UPF2: variants seen among roughly 807,000 people sequenced by gnomAD.
UPF2 encodes the protein UPF2 regulator of nonsense mediated mRNA decay, also known as regulator of nonsense transcripts 2.
In UPF2, 17 loss-of-function variants were observed where a neutral mutation model predicts 141.4. The ratio of observed to expected loss-of-function variants is 0.12; its 90% CI spans 0.08 to 0.18. The LOEUF is 0.18. Among genes scored for constraint, UPF2 ranks in the 10% least tolerant of loss-of-function variants. The pLI is 1.00. For synonymous variants in UPF2, 540 were observed against 498.0 expected, an observed-to-expected ratio of 1.08 and a Z score of -1.12; for missense variants, 1,152 against 1,515.9, an observed-to-expected ratio of 0.76 and a Z score of 3.99.
intron 16 of UPF2, among the ~76,000 whole-genome samples, chr10:11,944,069 G>A (rs1225612682): frequency 6.6e-6 from 1 of 150,488 alleles, no homozygotes; most frequent in Admixed American, 6.6e-5. Context: ...TGCCATGATG[G>A]CTGAGAAATA....
intron 5 of UPF2, among the ~76,000 whole-genome samples, chr10:12,003,238 G>C (rs1204513443): frequency 1.3e-5 from 2 of 152,150 alleles, no homozygotes; most frequent in Admixed American, 6.5e-5. Flanking sequence ...CCTGATGTCT[G>C]GCTACTAAAA....
intron 3 of UPF2, among the ~76,000 whole-genome samples, chr10:12,028,421 AG>A (rs1345578679): frequency 1.3e-5 from 2 of 152,214 alleles, no homozygotes; most frequent in Non-Finnish European, 2.9e-5. Flanking sequence ...AAATATTAGC[AG>A]GTAAGTTTAA....
Position 11,979,730 on chromosome 10 carries a change from C to A in UPF2, c.1845-565G>T, listed in dbSNP as rs1026581057. 6.6e-6 allele frequency among the ~76,000 whole-genome samples: 1 copy of A among 152,096 alleles called. No homozygotes were observed. The highest frequency in any genetic ancestry group is 2.4e-5 in the African/African-American group (1 of 41,416). On this transcript the variant is annotated intron_variant, in intron 8 of 21. Coordinates refer to ENST00000357604, the MANE Select transcript of UPF2 (RefSeq NM_015542.4). This position sits in a 1 kb window ranked among gnomAD's most constrained non-coding sequence, Gnocchi z 6.2. ...GACTATCCTGGCTAACACGGTGAAACCCCGTCTCTACTAAAAATAAAAAAA... is the reference window on the plus strand; with the variant it reads ...GACTATCCTGGCTAACACGGTGAAAACCCGTCTCTACTAAAAATAAAAAAA...
chr10:11,972,006 G>A (rs1190443022), intron 9 of UPF2, among the ~76,000 whole-genome samples: 1 of 149,126 alleles, frequency 6.7e-6, no homozygotes, highest in Non-Finnish European at 1.5e-5. Context: ...TAAGGTTACA[G>A]TGAGCCAAGA....
upstream of UPF2, chr10:12,043,158 A>G (rs1834771118): frequency 6.6e-6 from 1 of 152,356 alleles, no homozygotes; most frequent in South Asian, 2.1e-4. Context: ...TACGTAAGGT[A>G]GCCACTACCA....
At chr10:11,950,385 TGCATAC>T (rs1214231909) in intron 15 of UPF2, among the ~76,000 whole-genome samples, 1 of 152,242 alleles carries the variant, frequency 6.6e-6, no homozygotes, top group Non-Finnish European at 1.5e-5. Context: ...TTGATTTTTC[TGCATAC>T]GTCTTCTTCC....
intron 10 of UPF2, among the ~76,000 whole-genome samples, 192 bp downstream of exon 10, chr10:11,967,149 C>T (rs1006507439): frequency 2.0e-5 from 3 of 152,254 alleles, no homozygotes; most frequent in Non-Finnish European, 2.9e-5. Flanking sequence ...CGTAATTACT[C>T]GTAGAACTGC....
chr10:11,981,575 T>C (rs931321957), intron 8 of UPF2, among the ~76,000 whole-genome samples: 5 of 152,238 alleles, frequency 3.3e-5, no homozygotes, highest in African/African-American at 1.2e-4. Context: ...TAAAATATTT[T>C]TAAGGTTTTA....
At chr10:11,957,839 A>C (rs535907342) in intron 12 of UPF2, among the ~76,000 whole-genome samples, 1 of 152,286 alleles carries the variant, frequency 6.6e-6, no homozygotes, top group South Asian at 2.1e-4. Flanking sequence ...AAAAAATAAA[A>C]TCATTAATTT....
chr10:12,028,394 C>T (rs796943551), intron 3 of UPF2, among the ~76,000 whole-genome samples: 8 of 152,162 alleles, frequency 5.3e-5, no homozygotes, highest in African/African-American at 7.2e-5. Flanking sequence ...ATAGAGAGAA[C>T]GTTAAAGCAC....
At chr10:11,983,848 T>C (rs778128830) in intron 8 of UPF2, among the ~76,000 whole-genome samples, 3 of 152,250 alleles carry the variant, frequency 2.0e-5, no homozygotes, top group Non-Finnish European at 2.9e-5. Flanking sequence ...GAACAAGCGA[T>C]ATTATTTCTT....
chr10:12,001,640 C>T, intron 6 of UPF2, 36 bp downstream of exon 6: 1 of 1,562,572 alleles, frequency 6.4e-7, no homozygotes, highest in South Asian at 1.2e-5. Flanking sequence ...GTGTAAAAAC[C>T]AATTAAAAAT....
Position 11,934,789 on chromosome 10 carries a change from T to C in UPF2, c.3546+1756A>G, listed in dbSNP as rs140132522. On this transcript the variant is annotated intron_variant, in intron 19 of 21. Coordinates refer to ENST00000357604, the MANE Select transcript of UPF2 (RefSeq NM_015542.4). ...ATTTTTAGTAGAGACGGGGTTTCAC[T>C]ATGTTGGTCAGGCTGGTCTTGAATC... Among the ~76,000 whole-genome samples the C allele has an allele frequency of 4.4e-4, 67 of 152,134 alleles. 1 individual carries two copies. In the East Asian group the frequency reaches 0.011, roughly 25 times the overall value.
chr10:11,951,420 A>T (rs1833073304), intron 15 of UPF2, among the ~76,000 whole-genome samples: 1 of 152,214 alleles, frequency 6.6e-6, no homozygotes, highest in Admixed American at 6.5e-5. Flanking sequence ...TCAGCATATA[A>T]ACCAGATTGG....
intron 10 of UPF2, among the ~76,000 whole-genome samples, chr10:11,966,497 G>A (rs184005624): frequency 5.9e-5 from 9 of 151,712 alleles, no homozygotes; most frequent in South Asian, 4.2e-4. Flanking sequence ...TGATCTTGGC[G>A]CACCACAACC....
chr10:12,034,936 T>C (rs1407926869), intron 2 of UPF2, 123 bp downstream of exon 2: 2 of 1,398,410 alleles, frequency 1.4e-6, no homozygotes, highest in African/African-American at 2.9e-5. Context: ...AACAAGTAAA[T>C]TAAGATACTC....
At chr10:12,017,503 G>A (rs567705662) in intron 3 of UPF2, among the ~76,000 whole-genome samples, 35 of 152,256 alleles carry the variant, frequency 2.3e-4, no homozygotes, top group Middle Eastern at 3.4e-3. Context: ...TTCTATGATG[G>A]TTCCCTGAGT....
intron 8 of UPF2, among the ~76,000 whole-genome samples, chr10:11,982,296 A>T (rs992877381): frequency 6.6e-6 from 1 of 152,206 alleles, no homozygotes; most frequent in African/African-American, 2.4e-5. Context: ...CAGCAAAGGT[A>T]ACAAGATGGC....
chr10:11,936,299 G>C lies in UPF2; in HGVS notation c.3546+246C>G, dbSNP rs1430604778. Among the ~76,000 whole-genome samples the C allele has an allele frequency of 2.0e-5, 3 of 152,066 alleles. No individual in the cohort carries two copies. The highest frequency in any genetic ancestry group is 7.2e-5 in the African/African-American group (3 of 41,404). On this transcript the variant is annotated intron_variant, in intron 19 of 21. Transcript: ENST00000357604. This position sits in a 1 kb window ranked among gnomAD's most constrained non-coding sequence, Gnocchi z 6.6. ...GCAGAAGAATCGTTTGAACCTGGGA[G>C]GAGGAGGTTGCAGTGAGCCAAGACC...
Sources: gnomAD v4.1 joint callset for allele counts (sites outside exome capture counted in the v4.1 genomes callset) on GRCh38, gnomAD v4.1.1 for gene constraint, Gnocchi (gnomAD v3.1) non-coding constraint, MANE v1.5 for transcripts, NCBI Gene and HGNC (gene_info 2026-07-23, HGNC 2026-07-21) for gene names.